CNBD1: variants seen among roughly 807,000 people sequenced by gnomAD.
CNBD1 encodes the protein cyclic nucleotide-binding domain-containing protein 1.
In CNBD1, 71 loss-of-function variants were observed where a neutral mutation model predicts 54.4. That is an observed-to-expected ratio of 1.30 (90% CI 1.08 to 1.59). The LOEUF is 1.59. Ranked by LOEUF, CNBD1 falls within the 40% of genes most tolerant of loss-of-function variation. The pLI, the probability that CNBD1 is intolerant of heterozygous loss-of-function variation, is 0.00. For missense variants in CNBD1, 659 were observed against 518.0 expected (o/e 1.27, Z -2.64); for synonymous variants, 182 against 170.7 (o/e 1.07, Z -0.51).
chr8:87,262,849 A>G (rs1488964591), intron 6 of CNBD1, among the ~76,000 whole-genome samples: 1 of 152,164 alleles, frequency 6.6e-6, no homozygotes, highest in African/African-American at 2.4e-5. Flanking sequence ...GACAGTTTTA[A>G]CATCTACTAT....
At chr8:87,189,385 C>T (rs1813550797) in intron 4 of CNBD1, among the ~76,000 whole-genome samples, 2 of 152,080 alleles carry the variant, frequency 1.3e-5, no homozygotes, top group Admixed American at 1.3e-4. Context: ...ACCCAACCCC[C>T]CTTTAAAAAC....
At chr8:87,137,136 T>TTA (rs1191939890) in intron 4 of CNBD1, among the ~76,000 whole-genome samples, 4 of 135,728 alleles carry the variant, frequency 2.9e-5, no homozygotes, top group African/African-American at 8.1e-5. Flanking sequence ...TATATATAAA[T>TTA]TATATATATA....
chr8:87,388,393 A>C (rs1811236650), intron 2 of CNBD1, among the ~76,000 whole-genome samples: 1 of 152,066 alleles, frequency 6.6e-6, no homozygotes. Context: ...AATCAAATAG[A>C]CACAATAAAA....
At chr8:87,331,504 A>G (rs1809831557) in intron 8 of CNBD1, among the ~76,000 whole-genome samples, 1 of 152,172 alleles carries the variant, frequency 6.6e-6, no homozygotes, top group African/African-American at 2.4e-5. Context: ...GCTATTGTGA[A>G]TAGTGCTGCA....
chr8:86,992,717 C>G (rs1808781624), intron 4 of CNBD1, among the ~76,000 whole-genome samples: 1 of 152,068 alleles, frequency 6.6e-6, no homozygotes, highest in Admixed American at 6.6e-5. Flanking sequence ...CTCTCCTTCA[C>G]TTATGAAACT....
At chr8:86,934,329 C>T (rs763834547) in intron 3 of CNBD1, among the ~76,000 whole-genome samples, 23 of 152,088 alleles carry the variant, frequency 1.5e-4, no homozygotes, top group African/African-American at 3.4e-4. Flanking sequence ...AGGAACATAA[C>T]GACAGAAGTA....
At chr8:87,339,789 G>A (rs78312755) in intron 8 of CNBD1, among the ~76,000 whole-genome samples, 3,670 of 152,036 alleles carry the variant, frequency 0.024, 150 homozygotes, top group African/African-American at 0.081. Context: ...CATACAATGA[G>A]TCTACACTTT....
chr8:87,414,659 TACC>T (rs1432571410), intron 2 of CNBD1, among the ~76,000 whole-genome samples: 41 of 152,070 alleles, frequency 2.7e-4, no homozygotes, highest in Non-Finnish European at 1.5e-5. Context: ...CTTGTACTAT[TACC>T]ACAACTGTTA....
chr8:87,014,638 CTT>C (rs1284993210), intron 4 of CNBD1, among the ~76,000 whole-genome samples: 7 of 151,586 alleles, frequency 4.6e-5, no homozygotes, highest in Non-Finnish European at 7.4e-5. Context: ...TGTAAACAAA[CTT>C]GTCATAATTT....
rs758484326 is a variant in CNBD1 at position 87,166,012 on chromosome 8, T to A, written c.432-39981T>A. Among the ~76,000 whole-genome samples, 1 of 150,846 alleles carries A rather than the reference T, an allele frequency of 6.6e-6. No individual in the cohort carries two copies. On this transcript the variant is annotated intron_variant, in intron 4 of 10. Coordinates refer to ENST00000518476, the MANE Select transcript of CNBD1 (RefSeq NM_173538.3). This position sits in a 1 kb window ranked among gnomAD's most constrained non-coding sequence, Gnocchi z 4.3. Reference sequence around the variant, plus strand: ...TATAAAAATGAATAAACCGTGACTCTGAGATCTACATTCACGTATTGAATT... The same window carrying A: ...TATAAAAATGAATAAACCGTGACTCAGAGATCTACATTCACGTATTGAATT...
In CNBD1 at chr8:86,950,275, G is replaced by A. The variant is rs7828923; in HGVS notation, c.431+10521G>A. ...AGTTTCACCATTGGTTTCACCATTT[G>A]GCCAGGCTGGTCTTGAACTCCTCAC... On this transcript the variant is annotated intron_variant, in intron 4 of 10. Transcript: ENST00000518476. Among the ~76,000 whole-genome samples the A allele has an allele frequency of 5.5e-3, 836 of 151,918 alleles. 8 individuals are homozygous for A. The highest frequency in any genetic ancestry group is 0.019 in the African/African-American group (781 of 41,446).
intron 6 of CNBD1, among the ~76,000 whole-genome samples, chr8:87,264,284 C>A (rs192399441): frequency 6.6e-6 from 1 of 151,840 alleles, no homozygotes; most frequent in African/African-American, 2.4e-5. Flanking sequence ...TTGCTGAGAA[C>A]GATGGTTTCC....
intron 5 of CNBD1, among the ~76,000 whole-genome samples, chr8:87,230,478 CAT>C (rs1814658973): frequency 6.6e-6 from 1 of 152,148 alleles, no homozygotes; most frequent in Non-Finnish European, 1.5e-5. Context: ...ACAGAGCACT[CAT>C]ATGTATGTAT....
intron 3 of CNBD1, among the ~76,000 whole-genome samples, chr8:86,924,351 A>G (rs1190389594): frequency 1.3e-5 from 2 of 152,170 alleles, no homozygotes; most frequent in African/African-American, 4.8e-5. Context: ...TGTCTACAGA[A>G]TGTGGAAATG....
intron 3 of CNBD1, among the ~76,000 whole-genome samples, chr8:86,916,423 T>G (rs1187894039): frequency 6.6e-6 from 1 of 152,172 alleles, no homozygotes; most frequent in African/African-American, 2.4e-5. Flanking sequence ...GCTGTCTGCA[T>G]CCACACTGGC....
At chr8:86,945,836 C>T (rs7835558) in intron 4 of CNBD1, among the ~76,000 whole-genome samples, 93,248 of 152,028 alleles carry the variant, frequency 0.61, 28,816 homozygotes, top group Admixed American at 0.66. Context: ...TGACAGTAGA[C>T]TGGTATTCTA....
intron 4 of CNBD1, among the ~76,000 whole-genome samples, chr8:87,126,665 T>C (rs1308398831): frequency 5.9e-5 from 9 of 151,728 alleles, no homozygotes; most frequent in Admixed American, 5.9e-4. Context: ...AGTTTAACAG[T>C]TTTTTTTATG....
At chr8:86,884,564 T>C (rs1432670956) in intron 1 of CNBD1, among the ~76,000 whole-genome samples, 1 of 152,214 alleles carries the variant, frequency 6.6e-6, no homozygotes, top group Non-Finnish European at 1.5e-5. Flanking sequence ...TTAGACTTAT[T>C]TTAAAACATA....
intron 4 of CNBD1, among the ~76,000 whole-genome samples, chr8:87,028,756 C>T (rs974441631): frequency 6.6e-6 from 1 of 152,086 alleles, no homozygotes; most frequent in African/African-American, 2.4e-5. Context: ...TTTGAGAAGC[C>T]TAAGTGTTGT....
Sources: gnomAD v4.1 joint callset for allele counts (sites outside exome capture counted in the v4.1 genomes callset) on GRCh38, gnomAD v4.1.1 for gene constraint, Gnocchi (gnomAD v3.1) non-coding constraint, MANE v1.5 for transcripts, NCBI Gene and HGNC (gene_info 2026-07-23, HGNC 2026-07-21) for gene names.